Variants in SVEP1 observed in about 807,000 individuals in gnomAD.
The protein encoded by SVEP1 is sushi, von Willebrand factor type A, EGF and pentraxin domain containing 1, also known as sushi, von Willebrand factor type A, EGF and pentraxin domain-containing protein 1.
Under a neutral mutation model 367.3 loss-of-function variants are expected in SVEP1, and 164 were observed. The ratio of observed to expected loss-of-function variants is 0.45; its 90% CI spans 0.39 to 0.51. The LOEUF (loss-of-function observed/expected upper bound fraction) is 0.51, where lower values mean the gene tolerates loss of function less well. SVEP1 is among the 20% of genes least tolerant of loss of function. The pLI, the probability that SVEP1 is intolerant of heterozygous loss-of-function variation, is 0.00. For synonymous variants in SVEP1, 1,666 were observed against 1,611.6 expected (o/e 1.03, Z -0.81); for missense variants, 4,117 against 4,425.3 (o/e 0.93, Z 1.98).
rs746850105 is a variant in SVEP1, at chr9:110,489,643, C to G, written c.1930+7G>C. ...GGATGGGGAAACAACCAAACTATAT[C>G]ACTTACCAATAACCTTGATATGGAA... On this transcript the variant is annotated splice_region_variant and intron_variant, in intron 9 of 47. Coordinates refer to ENST00000374469, the MANE Select transcript of SVEP1 (RefSeq NM_153366.4). The G allele has an allele frequency of 1.2e-6, 2 of 1,609,780 alleles. No homozygotes were observed.
intron 27 of SVEP1, among the ~76,000 whole-genome samples, chr9:110,439,473 G>C (rs547977367): frequency 6.6e-6 from 1 of 151,780 alleles, no homozygotes; most frequent in Non-Finnish European, 1.5e-5. Context: ...ACCTCACTGC[G>C]ACCTCTGCCT....
chr9:110,502,228 G>C (rs535739460), intron 6 of SVEP1, among the ~76,000 whole-genome samples: 43 of 150,680 alleles, frequency 2.9e-4, no homozygotes, highest in African/African-American at 1.0e-3. Context: ...TCAGCCTCCT[G>C]AGTAGCTGGG....
chr9:110,523,957 G>A lies in SVEP1; in HGVS notation c.965-9851C>T, dbSNP rs114753830. 3.0e-3 allele frequency among the ~76,000 whole-genome samples: 451 copies of A among 152,034 alleles called. 2 individuals carry two copies. Among genetic ancestry groups the A allele is most frequent in the African/African-American group, 0.01 (431 of 41,498 alleles). The stretch of plus-strand genomic sequence containing the variant: ...GAAGACTAATACAGAGAAAAAGAGA[G>A]AAGGCACAAATTACCAATATCAGGT... On this transcript the variant is annotated intron_variant, in intron 3 of 47. Coordinates refer to ENST00000374469, the MANE Select transcript of SVEP1 (RefSeq NM_153366.4).
intron 5 of SVEP1, 79 bp from the exon 6 acceptor site, chr9:110,503,296 C>CA: frequency 7.2e-7 from 1 of 1,379,474 alleles, no homozygotes; most frequent in Non-Finnish European, 1.0e-6. Flanking sequence ...GCAATGCCTG[C>CA]ACATTGCAAG....
At chr9:110,446,875 T>C (rs1828608616) in intron 25 of SVEP1, 25 bp downstream of exon 25, 13 of 1,474,030 alleles carry the variant, frequency 8.8e-6, no homozygotes, top group Admixed American at 2.5e-5. Flanking sequence ...AGTATTGTTA[T>C]TAATAACACT....
At chr9:110,398,007 G>A (rs1315310240) in intron 40 of SVEP1, among the ~76,000 whole-genome samples, 3 of 143,108 alleles carry the variant, frequency 2.1e-5, no homozygotes, top group Non-Finnish European at 4.7e-5. Context: ...AAGTTCATAT[G>A]GAACCAAAAA....
chr9:110,579,122 G>T lies in SVEP1; in HGVS notation c.422C>A (p.Ser141Tyr). The change falls in exon 1 of 48, where the codon TCC (serine) becomes TAC (tyrosine). Residue 141 changes from serine to tyrosine, a missense_variant. Coordinates refer to ENST00000374469, the MANE Select transcript of SVEP1 (RefSeq NM_153366.4). This position sits in a 1 kb window ranked among gnomAD's most constrained non-coding sequence, Gnocchi z 5.3. The part of the protein sequence containing the change: ...NYVVPRVDYI[S>Y]TRRARQHKCA... ...CTTGTGCTGGCGCGCGCGGCGGGTG[G>T]AGATGTAATCGACGCGCGGCACCAC... 6.4e-7 allele frequency: 1 copy of T among 1,553,964 alleles called. No homozygotes were observed. The highest frequency in any genetic ancestry group is 8.7e-7 in the Non-Finnish European group (1 of 1,149,198).
At chr9:110,541,904 T>G (rs1039459021) in intron 3 of SVEP1, among the ~76,000 whole-genome samples, 48 of 147,592 alleles carry the variant, frequency 3.3e-4, no homozygotes, top group South Asian at 6.3e-4. Context: ...GATATCTATA[T>G]ATATCTATAT....
At chr9:110,495,609 A>C (rs369861141) in intron 8 of SVEP1, among the ~76,000 whole-genome samples, 1 of 151,960 alleles carries the variant, frequency 6.6e-6, no homozygotes. Context: ...TGCGCTCTGC[A>C]TCCCCCCCGC....
chr9:110,448,734 A>G (rs1404642003), intron 24 of SVEP1, among the ~76,000 whole-genome samples: 4 of 152,252 alleles, frequency 2.6e-5, no homozygotes. Flanking sequence ...GAAAGAGTTT[A>G]GAACTCTTGT....
intron 8 of SVEP1, among the ~76,000 whole-genome samples, chr9:110,494,929 C>A (rs1829423003): frequency 6.6e-6 from 1 of 152,104 alleles, no homozygotes; most frequent in African/African-American, 2.4e-5. Flanking sequence ...AGTTTATGAT[C>A]ACAAAACTCA....
intron 40 of SVEP1, among the ~76,000 whole-genome samples, chr9:110,392,185 T>C (rs10817006): frequency 6.9e-6 from 1 of 145,732 alleles, no homozygotes; most frequent in Non-Finnish European, 1.5e-5. Context: ...TGGTTCTCTT[T>C]CTTTGGAGAC....
intron 3 of SVEP1, among the ~76,000 whole-genome samples, chr9:110,528,448 A>C (rs1829974130): frequency 6.6e-6 from 1 of 151,562 alleles, no homozygotes. Flanking sequence ...GTTCCTTTTC[A>C]CCATATCCGT....
intron 3 of SVEP1, among the ~76,000 whole-genome samples, chr9:110,543,790 T>C (rs922106279): frequency 6.6e-6 from 1 of 151,838 alleles, no homozygotes; most frequent in Admixed American, 6.6e-5. Flanking sequence ...TGGGCTAGGA[T>C]GGGGGAGTAA....
intron 36 of SVEP1, among the ~76,000 whole-genome samples, chr9:110,426,406 T>C (rs1828253866): frequency 6.6e-6 from 1 of 152,204 alleles, no homozygotes; most frequent in African/African-American, 2.4e-5. Flanking sequence ...GGCCATGTAT[T>C]ATATCATTTT....
At chr9:110,453,000 T>C (rs1012542216) in intron 22 of SVEP1, among the ~76,000 whole-genome samples, 2 of 152,160 alleles carry the variant, frequency 1.3e-5, no homozygotes, top group Non-Finnish European at 2.9e-5. Flanking sequence ...GGATGTGAAA[T>C]AGAGAAAATA....
chr9:110,539,027 G>A (rs1050173842), intron 3 of SVEP1, among the ~76,000 whole-genome samples: 7 of 152,052 alleles, frequency 4.6e-5, no homozygotes, highest in Non-Finnish European at 8.8e-5. Context: ...TGGTGCTCAA[G>A]GCAAACATGA....
In SVEP1 at chr9:110,471,382, G is replaced by A; in HGVS notation, c.2980C>T (p.Leu994=). 3 of 1,613,884 alleles carry A rather than the reference G, an allele frequency of 1.9e-6. No individual in the cohort carries two copies. The highest frequency in any genetic ancestry group is 3.3e-5 in the Admixed American group (2 of 60,012). The change falls in exon 16 of 48, where the codon CTG becomes TTG. Residue 994 remains leucine (L), a synonymous_variant. Coordinates refer to ENST00000374469, the MANE Select transcript of SVEP1 (RefSeq NM_153366.4). ...GTCTTACCACACATACGCCCTCTCA[G>A]CACTGAGCCTGGTCTGCAGAAGGGG... ...ASPFCRPGSV[L]RGRMCVNCPL... is the part of the protein sequence containing the mutation.
chr9:110,517,096 G>A (rs950358990), intron 3 of SVEP1, among the ~76,000 whole-genome samples: 1 of 152,126 alleles, frequency 6.6e-6, no homozygotes, highest in Non-Finnish European at 1.5e-5. Context: ...TTATTATGTG[G>A]GCAAGCTATT....
Sources: allele counts gnomAD v4.1 joint callset (sites outside exome capture counted in the v4.1 genomes callset), GRCh38; gene constraint gnomAD v4.1.1; non-coding constraint Gnocchi (gnomAD v3.1); transcripts MANE v1.5; gene names NCBI Gene and HGNC (gene_info 2026-07-23, HGNC 2026-07-21).